The following RAPGEF5 variants were observed in gnomAD, a reference collection of about 807,000 sequenced individuals.
The protein encoded by RAPGEF5 is Rap guanine nucleotide exchange factor 5.
A neutral mutation model predicts 125.2 loss-of-function variants in RAPGEF5; 65 were observed. That is an observed-to-expected ratio of 0.52 (90% CI 0.43 to 0.64). The LOEUF (loss-of-function observed/expected upper bound fraction) is 0.64, where lower values mean the gene tolerates loss of function less well. Among genes scored for constraint, RAPGEF5 ranks in the 30% least tolerant of loss-of-function variants. The probability of loss-of-function intolerance (pLI) is 0.00; values close to 1 mark genes in which losing one functional copy is unlikely to be tolerated. For missense variants in RAPGEF5, 958 were observed against 1,048.1 expected (o/e 0.91, Z 1.19); for synonymous variants, 391 against 385.9 (o/e 1.01, Z -0.16).
At position 22,228,230 on chromosome 7, in the gene RAPGEF5, T is replaced by C. The variant is rs747461089; in HGVS notation, c.870+2616A>G. Among the ~76,000 whole-genome samples the C allele has an allele frequency of 8.5e-5, 13 of 152,198 alleles. No homozygotes were observed. In the East Asian group the frequency reaches 1.3e-3, roughly 16 times the overall value. ...ACAGAGGTTAGAAAGGCAGTTTGCA[T>C]GCTGTTTAAAGCAAGGACATCAGAA... On this transcript the variant is annotated intron_variant, in intron 8 of 25. Transcript: ENST00000665637.
chr7:22,316,654 C>T (rs1783606427), intron 2 of RAPGEF5, among the ~76,000 whole-genome samples: 1 of 150,998 alleles, frequency 6.6e-6, no homozygotes, highest in African/African-American at 2.4e-5. Flanking sequence ...TCAAGCCCAG[C>T]TAATATTTGT....
intron 5 of RAPGEF5, among the ~76,000 whole-genome samples, chr7:22,306,330 A>G (rs1006071037): frequency 6.6e-6 from 1 of 152,196 alleles, no homozygotes; most frequent in Non-Finnish European, 1.5e-5. Flanking sequence ...GTGGTGCTGA[A>G]CACCTTTTCA....
intron 1 of RAPGEF5, among the ~76,000 whole-genome samples, chr7:22,332,551 C>T (rs62447102): frequency 2.0e-3 from 309 of 152,320 alleles, no homozygotes; most frequent in Non-Finnish European, 3.4e-3. Context: ...CACTCTCACC[C>T]ACATTTCTGT....
intron 11 of RAPGEF5, among the ~76,000 whole-genome samples, chr7:22,169,188 C>T (rs1784264117): frequency 6.6e-6 from 1 of 152,104 alleles, no homozygotes; most frequent in Non-Finnish European, 1.5e-5. Context: ...CATGCACAGC[C>T]TGTGTACGCA....
intron 16 of RAPGEF5, among the ~76,000 whole-genome samples, chr7:22,156,284 C>T (rs548279383): frequency 7.2e-5 from 11 of 152,300 alleles, no homozygotes; most frequent in East Asian, 3.9e-4. Flanking sequence ...TCTTATTTCA[C>T]GCAAATAAGC....
intron 1 of RAPGEF5, among the ~76,000 whole-genome samples, chr7:22,340,687 C>T (rs1213545112): frequency 6.6e-6 from 1 of 152,208 alleles, no homozygotes; most frequent in Non-Finnish European, 1.5e-5. Context: ...GGCTTGGATT[C>T]TCTTACCAGG....
intron 14 of RAPGEF5, among the ~76,000 whole-genome samples, chr7:22,158,648 C>G (rs1783888482): frequency 6.6e-6 from 1 of 151,012 alleles, no homozygotes; most frequent in South Asian, 2.1e-4. Context: ...TTTTTTGAGA[C>G]AGAGTCTCAC....
intron 1 of RAPGEF5, among the ~76,000 whole-genome samples, chr7:22,341,562 G>A (rs1417203569): frequency 2.0e-5 from 3 of 152,198 alleles, no homozygotes; most frequent in Admixed American, 2.0e-4. Context: ...CTGCCTATGA[G>A]CCTGTAAAAT....
intron 7 of RAPGEF5, 29 bp from the exon 8 acceptor site, chr7:22,230,948 T>A (rs759356535): frequency 6.5e-7 from 1 of 1,536,186 alleles, no homozygotes; most frequent in Non-Finnish European, 8.8e-7. Flanking sequence ...ATTAAACAAA[T>A]GTATCATCAT....
rs1782510057 is a variant in RAPGEF5 at position 22,119,339 on chromosome 7, T to C, written c.*3067A>G. ...GTGTATGCTCCACACTACCTGTTTGTGGTTCTCGGTCTAGGGAAATGAATT... is the reference window on the plus strand; with the variant it reads ...GTGTATGCTCCACACTACCTGTTTGCGGTTCTCGGTCTAGGGAAATGAATT... On this transcript the variant is annotated 3_prime_UTR_variant, in exon 26 of 26. Coordinates refer to ENST00000665637, the MANE Select transcript of RAPGEF5 (RefSeq NM_012294.5). The surrounding 1 kb of genome is among the most constrained non-coding windows in gnomAD (Gnocchi z 4.1). The C allele has an allele frequency of 6.6e-6, 1 of 152,198 alleles. No homozygotes were observed. The highest frequency in any genetic ancestry group is 2.4e-5 in the African/African-American group (1 of 41,438). The allele number at this position is 152,198 out of a possible 1,614,324, so 9.4% of individuals were successfully genotyped here.
At chr7:22,298,173 G>GTTT (rs1353403134) in intron 5 of RAPGEF5, among the ~76,000 whole-genome samples, 4 of 118,618 alleles carry the variant, frequency 3.4e-5, no homozygotes, top group Non-Finnish European at 6.7e-5. Flanking sequence ...ATATTGTTCT[G>GTTT]TTTTTTGTTT....
At chr7:22,165,772 C>G (rs149324730) in intron 12 of RAPGEF5, among the ~76,000 whole-genome samples, 1 of 151,800 alleles carries the variant, frequency 6.6e-6, no homozygotes, top group African/African-American at 2.4e-5. Flanking sequence ...TTGGGAGACA[C>G]GTAACAATTA....
intron 6 of RAPGEF5, among the ~76,000 whole-genome samples, chr7:22,269,380 G>C (rs1456022655): frequency 6.6e-6 from 1 of 151,902 alleles, no homozygotes; most frequent in Non-Finnish European, 1.5e-5. Context: ...CCTATATTTT[G>C]GCTGGAAACT....
intron 7 of RAPGEF5, among the ~76,000 whole-genome samples, chr7:22,236,810 A>G (rs1786201980): frequency 6.6e-6 from 1 of 152,178 alleles, no homozygotes; most frequent in Admixed American, 6.5e-5. Flanking sequence ...CACGGAGATA[A>G]ATACCAATTC....
At chr7:22,273,971 G>A (rs558488310) in intron 6 of RAPGEF5, among the ~76,000 whole-genome samples, 1 of 152,238 alleles carries the variant, frequency 6.6e-6, no homozygotes, top group East Asian at 1.9e-4. Context: ...TCAACTTGAC[G>A]AACACAGCCA....
intron 1 of RAPGEF5, among the ~76,000 whole-genome samples, chr7:22,321,232 AT>A (rs1370862856): frequency 5.3e-5 from 8 of 152,226 alleles, no homozygotes; most frequent in Non-Finnish European, 1.2e-4. Context: ...CAATCCTTTA[AT>A]ATTCACAAAT....
At chr7:22,266,864 A>AT in intron 7 of RAPGEF5, 100 bp downstream of exon 7, 1 of 1,233,714 alleles carries the variant, frequency 8.1e-7, no homozygotes, top group Non-Finnish European at 1.2e-6. Context: ...ATTCTACACC[A>AT]TAACTTCCTG....
At chr7:22,343,230 C>G (rs1377893074) in intron 1 of RAPGEF5, among the ~76,000 whole-genome samples, 3 of 152,148 alleles carry the variant, frequency 2.0e-5, no homozygotes, top group African/African-American at 7.2e-5. Flanking sequence ...AATTTATTCA[C>G]TATCACAAGA....
intron 1 of RAPGEF5, among the ~76,000 whole-genome samples, chr7:22,323,492 A>T (rs1336629902): frequency 2.6e-5 from 4 of 152,246 alleles, no homozygotes; most frequent in Non-Finnish European, 5.9e-5. Context: ...GTTTACAAAC[A>T]AGAGAATAGT....
Sources: allele counts gnomAD v4.1 joint callset (sites outside exome capture counted in the v4.1 genomes callset), GRCh38; gene constraint gnomAD v4.1.1; non-coding constraint Gnocchi (gnomAD v3.1); transcripts MANE v1.5; gene names NCBI Gene and HGNC (gene_info 2026-07-23, HGNC 2026-07-21).